The following TENM2 variants were observed in gnomAD, a reference collection of about 807,000 sequenced individuals.
TENM2 encodes teneurin-2.
In TENM2, 52 loss-of-function variants were observed where a neutral mutation model predicts 245.2. That is an observed-to-expected ratio of 0.21 (90% CI 0.17 to 0.27). TENM2 has a LOEUF of 0.27. Among genes scored for constraint, TENM2 ranks in the 10% least tolerant of loss-of-function variants. The pLI is 1.00. For missense variants in TENM2, 3,046 were observed against 3,666.8 expected, an observed-to-expected ratio of 0.83 and a Z score of 4.37; for synonymous variants, 1,363 against 1,438.9, an observed-to-expected ratio of 0.95 and a Z score of 1.19.
At chr5:167,703,469 T>G (rs1332005536) in intron 2 of TENM2, among the ~76,000 whole-genome samples, 1 of 146,486 alleles carries the variant, frequency 6.8e-6, no homozygotes, top group East Asian at 2.0e-4. Context: ...GAGGCGGAGG[T>G]TGCAGTGAGC....
At position 167,302,087 on chromosome 5, in the gene TENM2, G is replaced by A. The variant is rs112023797; in HGVS notation, c.226+17024G>A. On this transcript the variant is annotated intron_variant, in intron 1 of 28. Coordinates refer to ENST00000518659, the Ensembl canonical transcript of TENM2. ...GAAGATTTGGGACAAGTTGCATTGG[G>A]AACAGAGACTATGGAGGGACTGATG... is the stretch of plus-strand genomic sequence containing the variant. Among the ~76,000 whole-genome samples, 924 of 152,250 alleles carry A rather than the reference G, an allele frequency of 6.1e-3. 6 individuals carry two copies. The highest frequency in any genetic ancestry group is 0.01 in the Non-Finnish European group (699 of 68,030).
At chr5:167,098,786 T>C in the TENM2 span, among the ~76,000 whole-genome samples, 25 of 152,350 alleles carry the variant, frequency 1.6e-4, no homozygotes, top group African/African-American at 6.0e-4. Context: ...TGATGCACAT[T>C]GTTCGCAAAC....
chr5:167,983,638 T>A (rs1317929724), intron 4 of TENM2, among the ~76,000 whole-genome samples: 1 of 152,222 alleles, frequency 6.6e-6, no homozygotes, highest in Non-Finnish European at 1.5e-5. Flanking sequence ...AATGGACTTT[T>A]GACTACACTA....
At chr5:168,135,250 T>C (rs897682499) in intron 12 of TENM2, among the ~76,000 whole-genome samples, 2 of 152,134 alleles carry the variant, frequency 1.3e-5, no homozygotes, top group Non-Finnish European at 2.9e-5. Flanking sequence ...CGTTGCAATT[T>C]TTTGGTTCAT....
intron 2 of TENM2, among the ~76,000 whole-genome samples, chr5:167,675,933 G>C: frequency 6.6e-6 from 1 of 151,932 alleles, no homozygotes; most frequent in East Asian, 1.9e-4. Context: ...AGGTTGCTTG[G>C]GTAGTACATG....
chr5:168,230,526 C>T (rs558447973), intron 25 of TENM2, among the ~76,000 whole-genome samples: 27 of 152,236 alleles, frequency 1.8e-4, no homozygotes, highest in African/African-American at 3.6e-4. Flanking sequence ...TCAGATGTTT[C>T]GTGAGCCCAT....
intron 2 of TENM2, among the ~76,000 whole-genome samples, chr5:167,504,982 G>A (rs773815099): frequency 1.3e-5 from 2 of 152,058 alleles, no homozygotes; most frequent in Non-Finnish European, 2.9e-5. Context: ...AAAAGGAAGT[G>A]GTGGTTTCCC....
At chr5:167,362,221 T>A (rs937156671) in intron 1 of TENM2, among the ~76,000 whole-genome samples, 1 of 152,354 alleles carries the variant, frequency 6.6e-6, no homozygotes, top group African/African-American at 2.4e-5. Context: ...TAATGGATGC[T>A]AACACGCACT....
intron 20 of TENM2, among the ~76,000 whole-genome samples, chr5:168,213,457 T>G (rs779576147): frequency 1.9e-4 from 29 of 152,170 alleles, no homozygotes; most frequent in Non-Finnish European, 2.5e-4. Flanking sequence ...ATGCATCCAA[T>G]GCTGTCATCT....
rs763976655 is a variant in TENM2, at chr5:167,499,678, A to G, written c.502+124205A>G. On this transcript the variant is annotated intron_variant, in intron 2 of 28. Coordinates refer to ENST00000518659, the Ensembl canonical transcript of TENM2. ...TCCTGAGAGCTACCCACTATTGTACATTAACAGAGATGGATGTCGTGACTC... is the reference window on the plus strand; with the variant it reads ...TCCTGAGAGCTACCCACTATTGTACGTTAACAGAGATGGATGTCGTGACTC... Among the ~76,000 whole-genome samples, 3 of 152,290 alleles carry G rather than the reference A, an allele frequency of 2.0e-5. No individual in the cohort carries two copies. The South Asian group carries it at 6.2e-4, about 32-fold the overall frequency.
At chr5:168,154,882 C>T (rs976971469) in intron 12 of TENM2, among the ~76,000 whole-genome samples, 3 of 152,230 alleles carry the variant, frequency 2.0e-5, no homozygotes, top group African/African-American at 4.8e-5. Flanking sequence ...GACATACAGA[C>T]ACCACTGAAA....
chr5:167,967,259 A>T (rs959329752), intron 4 of TENM2, among the ~76,000 whole-genome samples: 2 of 152,152 alleles, frequency 1.3e-5, no homozygotes, highest in Non-Finnish European at 2.9e-5. Flanking sequence ...CTCATCCCCC[A>T]CATCACTTTC....
intron 9 of TENM2, among the ~76,000 whole-genome samples, chr5:168,116,287 G>A (rs12188893): frequency 0.54 from 81,313 of 151,892 alleles, 21,961 homozygotes; most frequent in East Asian, 0.63. Flanking sequence ...TTCTCCTCTG[G>A]TAAATTCATA....
chr5:168,228,747 A>C (rs1364302592), intron 25 of TENM2, among the ~76,000 whole-genome samples: 1 of 94,504 alleles, frequency 1.1e-5, no homozygotes, highest in Non-Finnish European at 1.8e-5. Flanking sequence ...TCCCAAGAGG[A>C]AGTAACAACT....
At chr5:167,913,679 G>T (rs1014993006) in intron 3 of TENM2, among the ~76,000 whole-genome samples, 3 of 152,128 alleles carry the variant, frequency 2.0e-5, no homozygotes, top group African/African-American at 7.2e-5. Flanking sequence ...AGACAGAAAG[G>T]ACAGAGGGGT....
intron 2 of TENM2, among the ~76,000 whole-genome samples, chr5:167,613,909 T>TA (rs149362547): frequency 0.11 from 16,948 of 152,130 alleles, 1,839 homozygotes; most frequent in African/African-American, 0.28. Flanking sequence ...TTCTCTAAGT[T>TA]AAAAAAATTA....
chr5:167,370,682 GGCACATCATCTATAT>G (rs1282538735), intron 1 of TENM2, among the ~76,000 whole-genome samples: 1 of 152,208 alleles, frequency 6.6e-6, no homozygotes, highest in Non-Finnish European at 1.5e-5. Flanking sequence ...AAAATGTATT[GGCACATCATCTATAT>G]GCACTTTTAT....
the TENM2 span, among the ~76,000 whole-genome samples, chr5:167,260,402 A>G: frequency 6.6e-6 from 1 of 152,182 alleles, no homozygotes; most frequent in Admixed American, 6.5e-5. Flanking sequence ...CAGCTATAAA[A>G]GTTTAACCAC....
chr5:167,199,918 A>T, the TENM2 span, among the ~76,000 whole-genome samples: 8 of 152,226 alleles, frequency 5.3e-5, no homozygotes, highest in African/African-American at 1.9e-4. Context: ...CTTAATTATA[A>T]TTAAGTTAAG....
Sources: gnomAD v4.1 joint callset for allele counts (sites outside exome capture counted in the v4.1 genomes callset) on GRCh38, gnomAD v4.1.1 for gene constraint, MANE v1.5 for transcripts, NCBI Gene and HGNC (gene_info 2026-07-23, HGNC 2026-07-21) for gene names.